SAMSN1: variants seen among roughly 807,000 people sequenced by gnomAD.
The protein encoded by SAMSN1 is SAM domain, SH3 domain and nuclear localization signals 1.
In SAMSN1, 31 loss-of-function variants were observed where a neutral mutation model predicts 42.0. That is an observed-to-expected ratio of 0.74 (90% CI 0.55 to 1.00). The LOEUF (loss-of-function observed/expected upper bound fraction) is 1.00, where lower values mean the gene tolerates loss of function less well. SAMSN1 is among the 50% of genes least tolerant of loss of function. SAMSN1 has a pLI of 0.00. For synonymous variants in SAMSN1, 178 were observed against 151.9 expected (o/e 1.17, Z -1.26); for missense variants, 464 against 439.4 (o/e 1.06, Z -0.50).
chr21:14,562,978 G>T (rs1038828189), intron 2 of SAMSN1, among the ~76,000 whole-genome samples: 3 of 152,130 alleles, frequency 2.0e-5, no homozygotes, highest in Admixed American at 6.5e-5. Flanking sequence ...GCTGTTTCTA[G>T]TCTTGGATGG....
intron 2 of SAMSN1, among the ~76,000 whole-genome samples, chr21:14,581,344 C>CTTTTTTTTTT (rs56728511): frequency 0.051 from 1,679 of 32,614 alleles, 688 homozygotes; most frequent in Admixed American, 0.074. Context: ...AATAATATTT[C>CTTTTTTTTTT]TTTTTTTTTT....
chr21:14,613,269 A>G, intron 3 of SAMSN1, among the ~76,000 whole-genome samples: 1 of 152,326 alleles, frequency 6.6e-6, no homozygotes, highest in Middle Eastern at 3.4e-3. Flanking sequence ...TGTAAATTGT[A>G]TATAACCATT....
At chr21:14,599,332 T>TA (rs1282209038) in intron 6 of SAMSN1, among the ~76,000 whole-genome samples, 2 of 152,196 alleles carry the variant, frequency 1.3e-5, no homozygotes, top group African/African-American at 4.8e-5. Context: ...GATGGTTTTA[T>TA]AAGCATCTGG....
chr21:14,625,478 C>A (rs980212010), intron 2 of SAMSN1, among the ~76,000 whole-genome samples: 2 of 152,160 alleles, frequency 1.3e-5, no homozygotes, highest in African/African-American at 4.8e-5. Flanking sequence ...TTCTTATACA[C>A]TAATAACAGA....
chr21:14,627,053 C>T (rs1307360013), intron 2 of SAMSN1, among the ~76,000 whole-genome samples: 3 of 152,104 alleles, frequency 2.0e-5, no homozygotes, highest in African/African-American at 4.8e-5. Flanking sequence ...TGCATGTTCT[C>T]ACTCATAGGT....
At chr21:14,566,791 G>A (rs1431416296) in intron 2 of SAMSN1, among the ~76,000 whole-genome samples, 1 of 152,004 alleles carries the variant, frequency 6.6e-6, no homozygotes, top group Non-Finnish European at 1.5e-5. Context: ...GCCCACCTCG[G>A]CCTCCCAAAG....
intron 2 of SAMSN1, among the ~76,000 whole-genome samples, chr21:14,621,238 A>C (rs1568833831): frequency 6.6e-6 from 1 of 152,230 alleles, no homozygotes; most frequent in African/African-American, 2.4e-5. Flanking sequence ...TGAGTGACAC[A>C]GAAGACGGGT....
At chr21:14,493,317 T>A (rs1047487542) in intron 7 of SAMSN1, among the ~76,000 whole-genome samples, 9 of 152,278 alleles carry the variant, frequency 5.9e-5, no homozygotes, top group African/African-American at 2.2e-4. Flanking sequence ...TTACTTTGTT[T>A]TCAATTTTAA....
intron 2 of SAMSN1, among the ~76,000 whole-genome samples, chr21:14,554,705 T>G (rs1267229303): frequency 1.3e-5 from 2 of 150,336 alleles, no homozygotes; most frequent in Admixed American, 6.6e-5. Flanking sequence ...TTTCTTTTTT[T>G]TTTTTTTTTT....
intron 1 of SAMSN1, among the ~76,000 whole-genome samples, chr21:14,651,840 T>G (rs2123396979): frequency 6.6e-6 from 1 of 152,066 alleles, no homozygotes; most frequent in Non-Finnish European, 1.5e-5. Context: ...CAGGATACAA[T>G]TTCAACATAA....
At chr21:14,517,151 G>T in intron 2 of SAMSN1, 110 bp from the exon 3 acceptor site, 1 of 978,148 alleles carries the variant, frequency 1.0e-6, no homozygotes, top group Non-Finnish European at 1.5e-6. Flanking sequence ...CATGCATTCT[G>T]TGCAGCAGCC....
intron 2 of SAMSN1, among the ~76,000 whole-genome samples, chr21:14,556,270 T>C (rs1221326908): frequency 6.6e-6 from 1 of 152,128 alleles, no homozygotes; most frequent in Non-Finnish European, 1.5e-5. Context: ...GTCTACTTCT[T>C]AAAACAATCA....
intron 5 of SAMSN1, among the ~76,000 whole-genome samples, chr21:14,509,114 A>T (rs1458486990): frequency 2.0e-5 from 3 of 151,942 alleles, no homozygotes; most frequent in African/African-American, 7.3e-5. Flanking sequence ...GACTCCATCA[A>T]AAAAGAAAAA....
intron 5 of SAMSN1, among the ~76,000 whole-genome samples, chr21:14,607,230 A>G (rs1475859020): frequency 6.6e-6 from 1 of 152,228 alleles, no homozygotes; most frequent in Non-Finnish European, 1.5e-5. Flanking sequence ...CCTCAGGCAC[A>G]GGAAACTACT....
intron 2 of SAMSN1, among the ~76,000 whole-genome samples, chr21:14,519,862 G>A (rs912620800): frequency 6.6e-6 from 1 of 152,024 alleles, no homozygotes; most frequent in Non-Finnish European, 1.5e-5. Flanking sequence ...TTTATTAGTT[G>A]TTGTTGTACC....
intron 1 of SAMSN1, among the ~76,000 whole-genome samples, chr21:14,646,015 C>G (rs1042388325): frequency 1.3e-5 from 2 of 152,112 alleles, no homozygotes; most frequent in East Asian, 3.9e-4. Context: ...ACTACAGGAT[C>G]TAGAAAATTG....
chr21:14,582,950 T>C (rs998022906), intron 1 of SAMSN1, among the ~76,000 whole-genome samples: 1 of 152,222 alleles, frequency 6.6e-6, no homozygotes, highest in Admixed American at 6.5e-5. Flanking sequence ...GAAATCCTAC[T>C]GACATTCTGA....
chr21:14,546,795 C>T (rs1025448829), upstream of SAMSN1, among the ~76,000 whole-genome samples: 1 of 152,000 alleles, frequency 6.6e-6, no homozygotes, highest in Non-Finnish European at 1.5e-5. Context: ...CTGCAACCTC[C>T]ACCTCCCGGG....
At chr21:14,518,467 G>A (rs1988018449) in intron 2 of SAMSN1, among the ~76,000 whole-genome samples, 1 of 151,946 alleles carries the variant, frequency 6.6e-6, no homozygotes. Flanking sequence ...TGGAGGACAT[G>A]TTTGGGTTAC....
Sources: allele counts gnomAD v4.1 joint callset (sites outside exome capture counted in the v4.1 genomes callset), GRCh38; gene constraint gnomAD v4.1.1; transcripts MANE v1.5; gene names NCBI Gene and HGNC (gene_info 2026-07-23, HGNC 2026-07-21).